PHF20L1: variants seen among roughly 807,000 people sequenced by gnomAD.
PHF20L1 encodes the protein PHD finger protein 20 like 1, also known as PHD finger protein 20-like protein 1.
A neutral mutation model predicts 125.5 loss-of-function variants in PHF20L1; 44 were observed. That is an observed-to-expected ratio of 0.35 (90% CI 0.28 to 0.45). The LOEUF (loss-of-function observed/expected upper bound fraction) is 0.45, where lower values mean the gene tolerates loss of function less well. PHF20L1 is among the 20% of genes least tolerant of loss of function. The probability of loss-of-function intolerance (pLI) is 1.00; values close to 1 mark genes in which losing one functional copy is unlikely to be tolerated. For synonymous variants in PHF20L1, 380 were observed against 403.1 expected (o/e 0.94, Z 0.69); for missense variants, 1,012 against 1,217.2 (o/e 0.83, Z 2.51).
chr8:132,798,938 A>T, intron 5 of PHF20L1, 78 bp downstream of exon 5: 1 of 1,111,228 alleles, frequency 9.0e-7, no homozygotes, highest in Non-Finnish European at 1.3e-6. Flanking sequence ...ATTTATATGT[A>T]TATTTTTTAA....
chr8:132,783,787 A>G (rs1162820758), intron 2 of PHF20L1, among the ~76,000 whole-genome samples: 1 of 152,206 alleles, frequency 6.6e-6, no homozygotes, highest in African/African-American at 2.4e-5. Flanking sequence ...GAAAAAATAT[A>G]CAGTTGTATG....
chr8:132,835,352 A>G (rs1837236247), intron 15 of PHF20L1, among the ~76,000 whole-genome samples: 1 of 152,104 alleles, frequency 6.6e-6, no homozygotes, highest in African/African-American at 2.4e-5. Flanking sequence ...CTCTGTCAGG[A>G]GCTCACACAG....
At chr8:132,786,390 A>G (rs565500319) in intron 2 of PHF20L1, among the ~76,000 whole-genome samples, 2 of 152,152 alleles carry the variant, frequency 1.3e-5, no homozygotes, top group African/African-American at 2.4e-5. Context: ...ATTTTGTACA[A>G]TTATTTTCCA....
At chr8:132,824,991 A>G in intron 13 of PHF20L1, 1 of 1,367,964 alleles carries the variant, frequency 7.3e-7, no homozygotes, top group Non-Finnish European at 9.8e-7. Context: ...AATTGAGAAT[A>G]TTACTCATTG....
At chr8:132,799,888 A>G (rs923814635) in intron 6 of PHF20L1, 9 of 151,938 alleles carry the variant, frequency 5.9e-5, no homozygotes, top group Non-Finnish European at 1.2e-4. Context: ...TAAAATGAAA[A>G]TGCTTTTGAT....
rs537563967 is a variant in PHF20L1 at position 132,803,931 on chromosome 8, A to G, written c.620A>G (p.Lys207Arg). The change falls in exon 7 of 21, where the codon AAG (lysine) becomes AGG (arginine). Residue 207 changes from lysine (K) to arginine (R), a missense_variant. By Grantham distance (26) the Lys-to-Arg change is conservative (BLOSUM62 2). This residue lies in a region of PHF20L1 where 134 missense variants were observed against 145.9 expected (regional missense o/e 0.92). Coordinates refer to ENST00000395386, the MANE Select transcript of PHF20L1 (RefSeq NM_016018.5). ...AAAGATAAGGATAAAGATGAGAGAA[A>G]GTGGTTTAAAGTACCTTCAAAGAAG... is the stretch of plus-strand genomic sequence containing the variant. ...SNKDKDKDER[K>R]WFKVPSKKEE... 2 of 1,611,160 alleles carry G rather than the reference A, an allele frequency of 1.2e-6. No homozygotes were observed. Among genetic ancestry groups the G allele is most frequent in the South Asian group, 1.1e-5 (1 of 91,008 alleles).
intron 9 of PHF20L1, among the ~76,000 whole-genome samples, chr8:132,814,323 A>G (rs533392947): frequency 1.1e-4 from 17 of 152,048 alleles, no homozygotes; most frequent in African/African-American, 4.1e-4. Flanking sequence ...TGGTTCCTAA[A>G]GGGGTATATT....
intron 2 of PHF20L1, among the ~76,000 whole-genome samples, chr8:132,784,323 G>A (rs1468955799): frequency 1.3e-5 from 2 of 152,108 alleles, no homozygotes; most frequent in Non-Finnish European, 2.9e-5. Flanking sequence ...AATTAAACTG[G>A]AAGTCATAAA....
chr8:132,824,106 C>A, intron 13 of PHF20L1, 46 bp downstream of exon 13: 1 of 1,206,198 alleles, frequency 8.3e-7, no homozygotes, highest in Non-Finnish European at 1.2e-6. Flanking sequence ...TAAAGCTTGA[C>A]AGAGAGGGAG....
At chr8:132,837,530 A>C (rs1321300875) in intron 16 of PHF20L1, among the ~76,000 whole-genome samples, 182 bp from the exon 17 acceptor site, 3 of 152,178 alleles carry the variant, frequency 2.0e-5, no homozygotes, top group Non-Finnish European at 4.4e-5. Flanking sequence ...GAAGTAGTTG[A>C]CCATTTCAAA....
In PHF20L1 at chr8:132,777,847, A is replaced by G. The variant is rs375637162; in HGVS notation, c.19A>G (p.Asn7Asp). The stretch of plus-strand genomic sequence containing the variant: ...TCTCAAGATGAGTAAAAAGCCCCCA[A>G]ATCGCCCTGGAATCACTTTTGAGAT... MSKKPP[N>D]RPGITFEIGA... The change falls in exon 2 of 21, where the codon AAT becomes GAT. Residue 7 changes from asparagine to aspartate, a missense_variant. Physicochemically the swap from Asn to Asp is conservative, Grantham distance 23. This residue lies in a region of PHF20L1 where 94 missense variants were observed against 179.5 expected (regional missense o/e 0.52). Transcript: ENST00000395386. 1.9e-6 allele frequency: 3 copies of G among 1,612,626 alleles called. No individual in the cohort carries two copies. Among genetic ancestry groups the G allele is most frequent in the African/African-American group, 1.3e-5 (1 of 74,886 alleles).
chr8:132,837,704 T>G lies in PHF20L1; in HGVS notation c.2092-8T>G. 1 of 1,607,412 alleles carries G rather than the reference T, an allele frequency of 6.2e-7. No homozygotes were observed. The highest frequency in any genetic ancestry group is 8.5e-7 in the Non-Finnish European group (1 of 1,174,534). On this transcript the variant is annotated splice_region_variant and splice_polypyrimidine_tract_variant and intron_variant, in intron 16 of 20. Transcript: ENST00000395386. ...CGGGTGACTGTAATACTCCTCTGTTTTCTGCAGTGTGAAGAGTGCTTGTGT... is the reference window on the plus strand; with the variant it reads ...CGGGTGACTGTAATACTCCTCTGTTGTCTGCAGTGTGAAGAGTGCTTGTGT...
At position 132,787,673 on chromosome 8, in the gene PHF20L1, T is replaced by G. The variant is rs541618382; in HGVS notation, c.84-6737T>G. Among the ~76,000 whole-genome samples, 5 of 152,284 alleles carry G rather than the reference T, an allele frequency of 3.3e-5. No homozygotes were observed. The East Asian group carries it at 9.6e-4, about 29-fold the overall frequency. On this transcript the variant is annotated intron_variant, in intron 2 of 20. Coordinates refer to ENST00000395386, the MANE Select transcript of PHF20L1 (RefSeq NM_016018.5). ...AAGTATGAAGCAAATGAACATGCAG[T>G]ATCCAAAAGTGCTGAATTTAAAATA...
At chr8:132,794,352 G>A (rs943032490) in intron 2 of PHF20L1, 58 bp from the exon 3 acceptor site, 3 of 1,071,200 alleles carry the variant, frequency 2.8e-6, no homozygotes, top group Admixed American at 1.9e-5. Context: ...TATGTATAAT[G>A]CTTTGTATAA....
intron 12 of PHF20L1, chr8:132,817,792 T>C (rs1231159940): frequency 8.1e-6 from 3 of 370,220 alleles, no homozygotes; most frequent in African/African-American, 6.3e-5. Context: ...TCCTTCTCCC[T>C]GCTTCTTTTT....
rs1166196482 is a variant in PHF20L1, at chr8:132,775,718, G to A, written c.-38+73G>A. On this transcript the variant is annotated intron_variant, in intron 1 of 20. Transcript: ENST00000395386. ...GGCCGCCCGGGACGCCCCCATTCTG[G>A]TGTCTCTCTTTCCGGCCCGCTCCCC... 4 of 308,860 alleles carry A rather than the reference G, an allele frequency of 1.3e-5. No homozygotes were observed. In the South Asian group the frequency reaches 4.8e-4, roughly 37 times the overall value. The allele number at this position is 308,860 out of a possible 1,614,324, so 19.1% of individuals were successfully genotyped here. A position where few individuals can be genotyped will look rare whatever the true frequency, so the allele number is the denominator to read the frequency against.
intron 12 of PHF20L1, among the ~76,000 whole-genome samples, chr8:132,820,395 C>T (rs917956123): frequency 4.6e-5 from 7 of 151,904 alleles, no homozygotes; most frequent in African/African-American, 9.7e-5. Flanking sequence ...ACACAATTCT[C>T]TTTAGGTGGG....
In PHF20L1 at chr8:132,842,565, A is replaced by C. The variant is rs776419598; in HGVS notation, c.2438A>C (p.Lys813Thr). Residue 813 changes from lysine to threonine, a missense_variant, in exon 19 of 21, where the codon AAA becomes ACA. This residue lies in a region of PHF20L1 where 277 missense variants were observed against 283.6 expected (regional missense o/e 0.98). Transcript: ENST00000395386. The part of the protein sequence containing the change: ...LHLWACSGKR[K>T]DQDQIIAGVE... ...CTCTGGGCTTGTTCCGGGAAGCGAA[A>C]AGACCAAGATCAAATAATAGCTGGG... 6 of 1,611,678 alleles carry C rather than the reference A, an allele frequency of 3.7e-6. No homozygotes were observed. The East Asian group carries it at 8.9e-5, about 24-fold the overall frequency.
chr8:132,835,234 G>A (rs1369926677), intron 15 of PHF20L1, among the ~76,000 whole-genome samples: 1 of 152,068 alleles, frequency 6.6e-6, no homozygotes, highest in Non-Finnish European at 1.5e-5. Flanking sequence ...TGCTGTCATG[G>A]ATTCTGATAT....
Sources: allele counts gnomAD v4.1 joint callset (sites outside exome capture counted in the v4.1 genomes callset), GRCh38; gene constraint gnomAD v4.1.1; regional missense constraint gnomAD v4.1.1; transcripts MANE v1.5; gene names NCBI Gene and HGNC (gene_info 2026-07-23, HGNC 2026-07-21).